CREB5: variants seen among roughly 807,000 people sequenced by gnomAD.
CREB5 encodes cAMP responsive element binding protein 5, also known as cyclic AMP-responsive element-binding protein 5.
A neutral mutation model predicts 57.1 loss-of-function variants in CREB5; 19 were observed. That is an observed-to-expected ratio of 0.33 (90% CI 0.23 to 0.49). The LOEUF (loss-of-function observed/expected upper bound fraction) is 0.49, where lower values mean the gene tolerates loss of function less well. Ranked by LOEUF, CREB5 falls within the 20% of genes least tolerant of loss-of-function variation. CREB5 has a pLI of 0.99. For synonymous variants in CREB5, 238 were observed against 238.3 expected, an observed-to-expected ratio of 1.00 and a Z score of 0.01; for missense variants, 579 against 671.6, an observed-to-expected ratio of 0.86 and a Z score of 1.52.
intron 1 of CREB5, among the ~76,000 whole-genome samples, chr7:28,399,581 C>T (rs555643716): frequency 2.6e-5 from 4 of 152,158 alleles, no homozygotes; most frequent in Middle Eastern, 3.4e-3. Flanking sequence ...ACTGGCTAAC[C>T]ATATGCAGAA....
At position 28,634,161 on chromosome 7, in the gene CREB5, C is replaced by T. The variant is rs147600548; in HGVS notation, c.464+63624C>T. On this transcript the variant is annotated intron_variant, in intron 5 of 10. Coordinates refer to ENST00000357727, the MANE Select transcript of CREB5 (RefSeq NM_182898.4). Reference sequence around the variant, plus strand: ...TTGTAAAATGGCAGGCAAATTTCCACACAAATTTCATTTGAGCTTTAATCT... The same window carrying T: ...TTGTAAAATGGCAGGCAAATTTCCATACAAATTTCATTTGAGCTTTAATCT... 4.7e-3 allele frequency among the ~76,000 whole-genome samples: 723 copies of T among 152,302 alleles called. 3 individuals are homozygous for T. The highest frequency in any genetic ancestry group is 0.016 in the African/African-American group (680 of 41,564).
intron 5 of CREB5, among the ~76,000 whole-genome samples, chr7:28,585,650 A>G (rs1254050486): frequency 1.3e-5 from 2 of 152,156 alleles, no homozygotes; most frequent in African/African-American, 2.4e-5. Flanking sequence ...TTTAAAGGCA[A>G]CGTCCTTGAG....
chr7:28,424,421 A>G (rs1583446454), intron 1 of CREB5, among the ~76,000 whole-genome samples: 1 of 152,240 alleles, frequency 6.6e-6, no homozygotes, highest in East Asian at 1.9e-4. Flanking sequence ...CATGCTGAAA[A>G]TAAACCTCAG....
intron 5 of CREB5, among the ~76,000 whole-genome samples, chr7:28,673,814 CA>C (rs1281400156): frequency 6.6e-6 from 1 of 151,928 alleles, no homozygotes; most frequent in Admixed American, 6.6e-5. Context: ...GCTGAGACTA[CA>C]GGCGTACACC....
At chr7:28,326,082 A>T (rs1785594000) in intron 1 of CREB5, among the ~76,000 whole-genome samples, 1 of 152,110 alleles carries the variant, frequency 6.6e-6, no homozygotes, top group African/African-American at 2.4e-5. Flanking sequence ...TGGGCTCTAG[A>T]TGTACTCATT....
At chr7:28,408,811 C>T (rs1272015382), upstream of CREB5, among the ~76,000 whole-genome samples, 1 of 152,070 alleles carries the variant, frequency 6.6e-6, no homozygotes, top group African/African-American at 2.4e-5. Flanking sequence ...CTCTGAAAAG[C>T]CAGGATGCAG....
At chr7:28,813,208 C>T (rs1809233221) in intron 9 of CREB5, among the ~76,000 whole-genome samples, 1 of 152,144 alleles carries the variant, frequency 6.6e-6, no homozygotes, top group Admixed American at 6.5e-5. Context: ...TGACCTAACC[C>T]ACTTCTTTGT....
intron 5 of CREB5, among the ~76,000 whole-genome samples, chr7:28,575,649 C>T (rs1367000810): frequency 6.6e-6 from 1 of 152,156 alleles, no homozygotes; most frequent in East Asian, 1.9e-4. Context: ...AACTTGAAGC[C>T]CCTTTGAGTA....
chr7:28,512,667 GTA>G (rs1297090364), intron 4 of CREB5, among the ~76,000 whole-genome samples: 3 of 151,906 alleles, frequency 2.0e-5, no homozygotes, highest in South Asian at 2.1e-4. Context: ...GTGTGTGTGT[GTA>G]TGTGTGTGTG....
chr7:28,369,204 T>C (rs1016245831), intron 1 of CREB5, among the ~76,000 whole-genome samples: 5 of 152,216 alleles, frequency 3.3e-5, no homozygotes, highest in Admixed American at 2.6e-4. Flanking sequence ...GCTCAATATG[T>C]AGTTGTTGAA....
intron 5 of CREB5, among the ~76,000 whole-genome samples, chr7:28,571,854 G>C (rs1795716878): frequency 6.6e-6 from 1 of 152,190 alleles, no homozygotes; most frequent in South Asian, 2.1e-4. Flanking sequence ...ATACAGTTCT[G>C]TTGCTGGTCG....
intron 5 of CREB5, among the ~76,000 whole-genome samples, chr7:28,642,969 C>CACACACAT (rs1562544634): frequency 4.5e-5 from 5 of 112,162 alleles, no homozygotes; most frequent in East Asian, 6.1e-4. Flanking sequence ...CACACACACA[C>CACACACAT]ACACACACAC....
chr7:28,373,370 G>T (rs1786753963), intron 1 of CREB5, among the ~76,000 whole-genome samples: 1 of 152,128 alleles, frequency 6.6e-6, no homozygotes, highest in South Asian at 2.1e-4. Context: ...AACATGTACA[G>T]AAGTGACAAA....
intron 5 of CREB5, among the ~76,000 whole-genome samples, chr7:28,707,426 A>G (rs566006191): frequency 3.9e-5 from 6 of 152,204 alleles, no homozygotes; most frequent in Admixed American, 3.9e-4. Flanking sequence ...TGCTAAGATC[A>G]CACACTCCTG....
intron 1 of CREB5, among the ~76,000 whole-genome samples, chr7:28,367,636 T>C (rs910126768): frequency 1.3e-5 from 2 of 151,946 alleles, no homozygotes; most frequent in African/African-American, 2.4e-5. Flanking sequence ...GGTGAAACCC[T>C]GTCTCTACTA....
At chr7:28,813,573 G>A (rs1278430876) in intron 9 of CREB5, among the ~76,000 whole-genome samples, 1 of 152,118 alleles carries the variant, frequency 6.6e-6, no homozygotes, top group Non-Finnish European at 1.5e-5. Context: ...AAAAAAGCTG[G>A]GGGAGGGTAT....
intron 1 of CREB5, among the ~76,000 whole-genome samples, chr7:28,329,019 T>C (rs1381938259): frequency 6.6e-6 from 1 of 152,198 alleles, no homozygotes; most frequent in Non-Finnish European, 1.5e-5. Flanking sequence ...TCTTTTGTTA[T>C]GTCAAGTAAC....
chr7:28,643,760 G>GCCC (rs1798780201), intron 5 of CREB5, among the ~76,000 whole-genome samples: 1 of 74,198 alleles, frequency 1.3e-5, no homozygotes, highest in African/African-American at 5.9e-5. Flanking sequence ...GTGGGGGGGG[G>GCCC]CGGAAGAAAA....
chr7:28,741,013 T>TC lies in CREB5; in HGVS notation c.702+16682dup, dbSNP rs1804299533. ...CCATGCAGGGATTTTTTTTTTTTTTTCAACCTTGTTAAATTAACTGATTTC... is the reference window on the plus strand; with the variant it reads ...CCATGCAGGGATTTTTTTTTTTTTTTCCAACCTTGTTAAATTAACTGATTTC... On this transcript the variant is annotated intron_variant, in intron 7 of 10. Coordinates refer to ENST00000357727, the MANE Select transcript of CREB5 (RefSeq NM_182898.4). 3.3e-5 allele frequency among the ~76,000 whole-genome samples: 5 copies of TC among 149,850 alleles called. No homozygotes were observed. In the South Asian group the frequency reaches 8.5e-4, roughly 25 times the overall value.
Sources: allele counts gnomAD v4.1 joint callset (sites outside exome capture counted in the v4.1 genomes callset), GRCh38; gene constraint gnomAD v4.1.1; transcripts MANE v1.5; gene names NCBI Gene and HGNC (gene_info 2026-07-23, HGNC 2026-07-21).